The following CASS4 variants were observed in gnomAD, a reference collection of about 807,000 sequenced individuals.
CASS4 encodes the protein cas scaffolding protein family member 4.
Under a neutral mutation model 54.2 loss-of-function variants are expected in CASS4, and 22 were observed. The ratio of observed to expected loss-of-function variants is 0.41; its 90% CI spans 0.29 to 0.58. The LOEUF (loss-of-function observed/expected upper bound fraction) is 0.58, where lower values mean the gene tolerates loss of function less well. Ranked by LOEUF, CASS4 falls within the 20% of genes least tolerant of loss-of-function variation. The pLI, the probability that CASS4 is intolerant of heterozygous loss-of-function variation, is 0.36. For synonymous variants in CASS4, 409 were observed against 391.5 expected (o/e 1.04, Z -0.53); for missense variants, 854 against 986.7 (o/e 0.87, Z 1.80).
At chr20:56,421,435 G>A (rs6099138) in intron 1 of CASS4, among the ~76,000 whole-genome samples, 5 of 152,292 alleles carry the variant, frequency 3.3e-5, no homozygotes, top group Admixed American at 6.5e-5. Flanking sequence ...GGTAGTCCAC[G>A]CCTGTAATCC....
intron 1 of CASS4, among the ~76,000 whole-genome samples, chr20:56,426,150 T>C (rs1979626353): frequency 6.6e-6 from 1 of 152,220 alleles, no homozygotes; most frequent in South Asian, 2.1e-4. Flanking sequence ...GTTTGTAGGC[T>C]AAAAGAGCAC....
chr20:56,458,682 C>T lies in CASS4; in HGVS notation c.2296C>T (p.His766Tyr). The T allele has an allele frequency of 6.2e-7, 1 of 1,612,616 alleles. No individual in the cohort carries two copies. Among genetic ancestry groups the T allele is most frequent in the African/African-American group, 1.3e-5 (1 of 75,040 alleles). ...GTACCCCAGCCCTGCCGCGCTGGGG[C>T]ACCTCCAGGCGGAGGCTGAGAAGCT... ...LTYPSPAALG[H>Y]LQAEAEKLEQ... Residue 766 changes from histidine to tyrosine, a missense_variant, in exon 6 of 6, where the codon CAC becomes TAC. Coordinates refer to ENST00000679887, the MANE Select transcript of CASS4 (RefSeq NM_020356.4).
chr20:56,448,867 A>G (rs1362073775), intron 3 of CASS4, among the ~76,000 whole-genome samples: 3 of 152,204 alleles, frequency 2.0e-5, no homozygotes, highest in Non-Finnish European at 4.4e-5. Flanking sequence ...AGCACACATC[A>G]TCACTGGCCG....
chr20:56,442,829 CTG>C (rs754986601), intron 2 of CASS4, among the ~76,000 whole-genome samples: 4 of 151,798 alleles, frequency 2.6e-5, no homozygotes, highest in African/African-American at 4.9e-5. Context: ...CCTTTCGAAA[CTG>C]TGTTTCTCAA....
rs1260328990 is a variant in CASS4 at position 56,458,516 on chromosome 20, C to G, written c.2130C>G (p.Ile710Met). Residue 710 changes from isoleucine (I) to methionine (M), a missense_variant, in exon 6 of 6, where the codon ATC (isoleucine) becomes ATG (methionine). Coordinates refer to ENST00000679887, the MANE Select transcript of CASS4 (RefSeq NM_020356.4). Reference sequence around the variant, plus strand: ...TCATCACTCAGAGCAAGCTGGTCATCATGGTGGGACAGAAGCTGGTGGACA... The same window carrying G: ...TCATCACTCAGAGCAAGCTGGTCATGATGGTGGGACAGAAGCTGGTGGACA... ...AEIITQSKLV[I>M]MVGQKLVDTL... 22 of 1,614,054 alleles carry G rather than the reference C, an allele frequency of 1.4e-5. No individual in the cohort carries two copies. Among genetic ancestry groups the G allele is most frequent in the Non-Finnish European group, 1.8e-5 (21 of 1,180,050 alleles).
intron 1 of CASS4, among the ~76,000 whole-genome samples, chr20:56,432,799 G>A (rs1444187775): frequency 1.3e-5 from 2 of 152,186 alleles, no homozygotes; most frequent in Non-Finnish European, 2.9e-5. Context: ...ACATTCAAGG[G>A]ATAATGATTC....
intron 1 of CASS4, among the ~76,000 whole-genome samples, chr20:56,426,976 G>A (rs1268818395): frequency 2.6e-5 from 4 of 152,116 alleles, no homozygotes; most frequent in Admixed American, 2.6e-4. Flanking sequence ...TTTGCAAAGT[G>A]AGGACACTTT....
Position 56,412,297 on chromosome 20 carries a change from G to T in CASS4, c.-162G>T, listed in dbSNP as rs2146257211. Reference sequence around the variant, plus strand: ...ATCGTGCTTTCCAGAAAGTTTGCCTGCTGGGAGAGTCTTTTTGATCGTTTC... The same window carrying T: ...ATCGTGCTTTCCAGAAAGTTTGCCTTCTGGGAGAGTCTTTTTGATCGTTTC... On this transcript the variant is annotated 5_prime_UTR_variant, in exon 1 of 6. Coordinates refer to ENST00000679887, the MANE Select transcript of CASS4 (RefSeq NM_020356.4). This position sits in a 1 kb window ranked among gnomAD's most constrained non-coding sequence, Gnocchi z 4.2. 1 of 759,986 alleles carries T rather than the reference G, an allele frequency of 1.3e-6. No individual in the cohort carries two copies. Among genetic ancestry groups the T allele is most frequent in the Non-Finnish European group, 2.2e-6 (1 of 458,150 alleles). The allele number at this position is 759,986 out of a possible 1,614,324, so 47.1% of individuals were successfully genotyped here. A position where few individuals can be genotyped will look rare whatever the true frequency, so the allele number is the denominator to read the frequency against.
intron 3 of CASS4, among the ~76,000 whole-genome samples, chr20:56,449,927 C>T (rs1980911609): frequency 6.6e-6 from 1 of 151,978 alleles, no homozygotes. Flanking sequence ...CTCATTTATC[C>T]TCTGGCTTAA....
At position 56,412,411 on chromosome 20, in the gene CASS4, T is replaced by G; in HGVS notation, c.-48T>G. On this transcript the variant is annotated 5_prime_UTR_variant, in exon 1 of 6. Coordinates refer to ENST00000679887, the MANE Select transcript of CASS4 (RefSeq NM_020356.4). The surrounding 1 kb of genome is among the most constrained non-coding windows in gnomAD (Gnocchi z 4.2). Reference sequence around the variant, plus strand: ...ACATTGCACAATCTGCCTCTGAAGCTGGAGATACTAGCTGCAGAGCTCAGG... The same window carrying G: ...ACATTGCACAATCTGCCTCTGAAGCGGGAGATACTAGCTGCAGAGCTCAGG... The G allele has an allele frequency of 6.2e-7, 1 of 1,603,422 alleles. No individual in the cohort carries two copies.
chr20:56,429,328 A>G (rs923015777), intron 1 of CASS4, among the ~76,000 whole-genome samples: 3 of 152,226 alleles, frequency 2.0e-5, no homozygotes, highest in Non-Finnish European at 4.4e-5. Context: ...TCTTCCAAGC[A>G]TCACCTCAAG....
At chr20:56,416,528 C>CGT (rs3219626) in intron 1 of CASS4, among the ~76,000 whole-genome samples, 20,252 of 149,096 alleles carry the variant, frequency 0.14, 1,518 homozygotes, top group Admixed American at 0.21. Context: ...TGTTTACTTC[C>CGT]GTGTGTGTGT....
chr20:56,454,393 T>C (rs8123563), intron 5 of CASS4, among the ~76,000 whole-genome samples: 3,156 of 152,282 alleles, frequency 0.021, 108 homozygotes, highest in African/African-American at 0.072. Context: ...CTTTAACATG[T>C]TCTAGAAATT....
At position 56,453,099 on chromosome 20, in the gene CASS4, A is replaced by G. The variant is rs1167543969; in HGVS notation, c.1923A>G (p.Leu641=). 1.2e-6 allele frequency: 2 copies of G among 1,613,844 alleles called. No homozygotes were observed. The highest frequency in any genetic ancestry group is 1.7e-6 in the Non-Finnish European group (2 of 1,179,942). The change falls in exon 5 of 6, where the codon TTA becomes TTG. Residue 641 remains leucine, a synonymous_variant. Coordinates refer to ENST00000679887, the MANE Select transcript of CASS4 (RefSeq NM_020356.4). ...AAGATGAACACTCTTCTGAACTATT[A>G]AAGAAAAATAGGGCAAATATCTGTG... is the stretch of plus-strand genomic sequence containing the variant. ...QREDEHSSEL[L]KKNRANICGQ...
intron 1 of CASS4, among the ~76,000 whole-genome samples, chr20:56,436,748 G>T (rs551807566): frequency 1.3e-5 from 2 of 152,072 alleles, no homozygotes; most frequent in Admixed American, 1.3e-4. Context: ...TTAGCCCGGG[G>T]TGGCGGCACG....
chr20:56,436,866 A>T (rs1980197792), intron 1 of CASS4, among the ~76,000 whole-genome samples: 1 of 152,132 alleles, frequency 6.6e-6, no homozygotes. Context: ...CAGCCTGGGC[A>T]ACAGAGTGAG....
chr20:56,437,456 G>A lies in CASS4; in HGVS notation c.329G>A (p.Gly110Asp). The A allele has an allele frequency of 9.9e-6, 16 of 1,613,758 alleles. No individual in the cohort carries two copies. The highest frequency in any genetic ancestry group is 1.3e-5 in the Non-Finnish European group (15 of 1,179,864). ...ACTCTACCCCGCCCTCCCACTCCAG[G>A]CCCCGTTTATGAGCAGATGAGGAGT... is the stretch of plus-strand genomic sequence containing the variant. ...VPTLPRPPTP[G>D]PVYEQMRSWA... is the part of the protein sequence containing the mutation. The change falls in exon 2 of 6, where the codon GGC becomes GAC. Residue 110 changes from glycine to aspartate, a missense_variant. Gly to Asp is a moderately conservative substitution (Grantham distance 94). Transcript: ENST00000679887. The surrounding 1 kb of genome is among the most constrained non-coding windows in gnomAD (Gnocchi z 4.7).
intron 1 of CASS4, among the ~76,000 whole-genome samples, chr20:56,425,114 G>T (rs1979580185): frequency 6.6e-6 from 1 of 152,192 alleles, no homozygotes; most frequent in Non-Finnish European, 1.5e-5. Flanking sequence ...TCTCTGGCCT[G>T]GGTCTTTGTA....
chr20:56,436,338 G>A (rs201594401), intron 1 of CASS4, among the ~76,000 whole-genome samples: 4 of 94,218 alleles, frequency 4.2e-5, no homozygotes, highest in Non-Finnish European at 6.0e-5. Context: ...CTATATATAT[G>A]TGTGTGTGTG....
Sources: gnomAD v4.1 joint callset for allele counts (sites outside exome capture counted in the v4.1 genomes callset) on GRCh38, gnomAD v4.1.1 for gene constraint, Gnocchi (gnomAD v3.1) non-coding constraint, MANE v1.5 for transcripts, NCBI Gene and HGNC (gene_info 2026-07-23, HGNC 2026-07-21) for gene names.